FAM13B: variants seen among roughly 807,000 people sequenced by gnomAD.
FAM13B encodes the protein protein FAM13B.
Under a neutral mutation model 117.3 loss-of-function variants are expected in FAM13B, and 60 were observed. The observed-to-expected ratio is 0.51, with a 90% CI of 0.42 to 0.63. FAM13B has a LOEUF of 0.63. FAM13B is among the 30% of genes least tolerant of loss of function. The pLI, the probability that FAM13B is intolerant of heterozygous loss-of-function variation, is 0.00. For missense variants in FAM13B, 972 were observed against 1,091.9 expected (o/e 0.89, Z 1.55); for synonymous variants, 332 against 356.1 (o/e 0.93, Z 0.76).
Position 137,939,153 on chromosome 5 carries a change from C to T in FAM13B, c.*1072G>A, listed in dbSNP as rs188296688. On this transcript the variant is annotated 3_prime_UTR_variant, in exon 24 of 24. Coordinates refer to ENST00000689681, the MANE Select transcript of FAM13B (RefSeq NM_001385994.1). ...GCTTTAAACAGCATGTTATGATTGA[C>T]CAAAGGGTGGTCCCTTAAGAGGGCG... 2 of 152,094 alleles carry T rather than the reference C, an allele frequency of 1.3e-5. No homozygotes were observed. The highest frequency in any genetic ancestry group is 3.9e-4 in the East Asian group (2 of 5,188). The allele number at this position is 152,094 out of a possible 1,614,324, so 9.4% of individuals were successfully genotyped here.
At chr5:137,960,064 A>C in intron 12 of FAM13B, 102 bp downstream of exon 12, 1 of 766,680 alleles carries the variant, frequency 1.3e-6, no homozygotes, top group South Asian at 1.7e-5. Context: ...AAGAGTATTT[A>C]TATTTAAATC....
intron 17 of FAM13B, 125 bp from the exon 18 acceptor site, chr5:137,949,309 C>A: frequency 2.7e-6 from 2 of 728,166 alleles, no homozygotes; most frequent in South Asian, 1.7e-5. Context: ...TATTTCAAAG[C>A]CAAATAAAAC....
At chr5:137,973,160 G>A (rs1163298216) in intron 10 of FAM13B, among the ~76,000 whole-genome samples, 1 of 152,088 alleles carries the variant, frequency 6.6e-6, no homozygotes, top group African/African-American at 2.4e-5. Context: ...AGTCAATCCT[G>A]AGCCAAAAGA....
chr5:137,991,419 T>C (rs1037251644), intron 7 of FAM13B, among the ~76,000 whole-genome samples: 5 of 152,178 alleles, frequency 3.3e-5, no homozygotes, highest in African/African-American at 1.2e-4. Flanking sequence ...AAGGCAAATA[T>C]ACTAAGCCAG....
chr5:137,952,553 T>C, intron 17 of FAM13B, 75 bp downstream of exon 17: 1 of 907,382 alleles, frequency 1.1e-6, no homozygotes, highest in Non-Finnish European at 1.7e-6. Context: ...TCAAAAGTTG[T>C]ATTTGTGATT....
At chr5:138,030,669 T>A (rs1015399641) in intron 1 of FAM13B, among the ~76,000 whole-genome samples, 2 of 147,856 alleles carry the variant, frequency 1.4e-5, no homozygotes, top group Non-Finnish European at 1.5e-5. Context: ...ATTTACACAC[T>A]AAAATTTGCA....
rs1760735491 is a variant in FAM13B, at chr5:137,938,327, T to C, written c.*1898A>G. 6.6e-6 allele frequency: 1 copy of C among 152,638 alleles called. No homozygotes were observed. The allele number at this position is 152,638 out of a possible 1,614,324, so 9.5% of individuals were successfully genotyped here. Reference sequence around the variant, plus strand: ...TTAGCATTATAAAGAAGGAATATATTATTTAAAACATTTAAATAGTGCATA... The same window carrying C: ...TTAGCATTATAAAGAAGGAATATATCATTTAAAACATTTAAATAGTGCATA... On this transcript the variant is annotated 3_prime_UTR_variant, in exon 24 of 24. Transcript: ENST00000689681.
At chr5:137,975,313 T>C (rs1238314452) in intron 10 of FAM13B, among the ~76,000 whole-genome samples, 1 of 152,216 alleles carries the variant, frequency 6.6e-6, no homozygotes, top group East Asian at 1.9e-4. Flanking sequence ...CAACACGCAC[T>C]CTGTACCCTG....
At chr5:137,993,667 G>A (rs1367114554) in intron 7 of FAM13B, among the ~76,000 whole-genome samples, 1 of 151,628 alleles carries the variant, frequency 6.6e-6, no homozygotes, top group Non-Finnish European at 1.5e-5. Context: ...TGCGCCTGTA[G>A]TTCCAGTTAC....
intron 1 of FAM13B, among the ~76,000 whole-genome samples, chr5:138,043,917 G>T (rs776224272): frequency 6.6e-6 from 1 of 151,552 alleles, no homozygotes; most frequent in African/African-American, 2.4e-5. Context: ...GAAAAGGGGG[G>T]TATTTTGGTA....
At chr5:138,007,554 G>T (rs892017560) in intron 6 of FAM13B, among the ~76,000 whole-genome samples, 1 of 152,120 alleles carries the variant, frequency 6.6e-6, no homozygotes, top group South Asian at 2.1e-4. Context: ...TTTTAATATA[G>T]TAAGTGTGAA....
chr5:137,947,070 T>C (rs1452398001), intron 18 of FAM13B, among the ~76,000 whole-genome samples: 2 of 152,348 alleles, frequency 1.3e-5, no homozygotes, highest in Non-Finnish European at 2.9e-5. Context: ...CAAATAAATA[T>C]GGTAAGTCTC....
chr5:137,946,021 T>C (rs777587041), intron 19 of FAM13B, 24 bp from the exon 20 acceptor site: 16 of 1,555,460 alleles, frequency 1.0e-5, no homozygotes, highest in Non-Finnish European at 1.3e-5. Context: ...AAAAAGAAAT[T>C]GTCTAGTCAT....
At chr5:138,005,279 A>T (rs1782266234) in intron 7 of FAM13B, among the ~76,000 whole-genome samples, 1 of 151,760 alleles carries the variant, frequency 6.6e-6, no homozygotes, top group Non-Finnish European at 1.5e-5. Flanking sequence ...AATTTAAAAC[A>T]CCCATTTAAA....
chr5:138,031,562 G>A (rs1301779985), intron 1 of FAM13B, among the ~76,000 whole-genome samples: 2 of 152,062 alleles, frequency 1.3e-5, no homozygotes, highest in Non-Finnish European at 2.9e-5. Context: ...GCGGGCGCCT[G>A]TAGTCCCAGC....
chr5:137,954,503 C>T (rs1581078396), intron 14 of FAM13B, 127 bp from the exon 15 acceptor site: 1 of 547,840 alleles, frequency 1.8e-6, no homozygotes, highest in Non-Finnish European at 3.2e-6. Flanking sequence ...TACATACACA[C>T]ATACACACAC....
intron 17 of FAM13B, among the ~76,000 whole-genome samples, chr5:137,951,236 A>AAAAAAAG (rs1764931258): frequency 3.8e-5 from 5 of 133,284 alleles, no homozygotes; most frequent in African/African-American, 8.2e-5. Context: ...AAAAAAAAGG[A>AAAAAAAG]GAGAGAGAGA....
intron 1 of FAM13B, among the ~76,000 whole-genome samples, chr5:138,027,094 C>T (rs1169998053): frequency 6.6e-6 from 1 of 151,976 alleles, no homozygotes; most frequent in Non-Finnish European, 1.5e-5. Context: ...GTGACTGCAC[C>T]ACTGCACTGG....
intron 7 of FAM13B, among the ~76,000 whole-genome samples, chr5:137,995,158 C>T (rs1332743404): frequency 2.0e-5 from 3 of 152,190 alleles, no homozygotes; most frequent in African/African-American, 7.2e-5. Flanking sequence ...CTGAGTCCTA[C>T]ACACAGTAGA....
Sources: gnomAD v4.1 joint callset for allele counts (sites outside exome capture counted in the v4.1 genomes callset) on GRCh38, gnomAD v4.1.1 for gene constraint, MANE v1.5 for transcripts, NCBI Gene and HGNC (gene_info 2026-07-23, HGNC 2026-07-21) for gene names.